PTPN21: variants seen among roughly 807,000 people sequenced by gnomAD.
PTPN21 encodes the protein protein tyrosine phosphatase non-receptor type 21.
Under a neutral mutation model 131.8 loss-of-function variants are expected in PTPN21, and 77 were observed. The ratio of observed to expected loss-of-function variants is 0.58; its 90% CI spans 0.49 to 0.71. The LOEUF (loss-of-function observed/expected upper bound fraction) is 0.71. Among genes scored for constraint, PTPN21 ranks in the 30% least tolerant of loss-of-function variants. The pLI is 0.00. For missense variants in PTPN21, 1,552 were observed against 1,527.1 expected, an observed-to-expected ratio of 1.02 and a Z score of -0.27; for synonymous variants, 715 against 621.3, an observed-to-expected ratio of 1.15 and a Z score of -2.24.
chr14:88,482,789 T>C (rs2077671346), intron 12 of PTPN21, among the ~76,000 whole-genome samples: 1 of 151,224 alleles, frequency 6.6e-6, no homozygotes, highest in Non-Finnish European at 1.5e-5. Flanking sequence ...GTACAAAGGC[T>C]TGAATGTGAT....
chr14:88,518,950 C>T lies in PTPN21; in HGVS notation c.181-1689G>A, dbSNP rs555541136. ...ATGCACATTTAAAACAATTATAATG[C>T]TGTGAAGGTGAATTCTCTCTCTCCC... is the stretch of plus-strand genomic sequence containing the variant. On this transcript the variant is annotated intron_variant, in intron 2 of 18. Transcript: ENST00000556564. Among the ~76,000 whole-genome samples, 6 of 149,186 alleles carry T rather than the reference C, an allele frequency of 4.0e-5. No homozygotes were observed. In the South Asian group the frequency reaches 1.3e-3, roughly 32 times the overall value.
chr14:88,503,520 C>T (rs1349297242), intron 6 of PTPN21, among the ~76,000 whole-genome samples: 1 of 152,178 alleles, frequency 6.6e-6, no homozygotes, highest in Non-Finnish European at 1.5e-5. Context: ...TCAGTAGGAA[C>T]TGTACTTCGA....
At chr14:88,539,727 G>A (rs1490051169) in intron 2 of PTPN21, among the ~76,000 whole-genome samples, 1 of 151,546 alleles carries the variant, frequency 6.6e-6, no homozygotes, top group Non-Finnish European at 1.5e-5. Flanking sequence ...GCCCTAGCCA[G>A]GCATTAGTTG....
chr14:88,469,539 C>A lies in PTPN21; in HGVS notation c.3195G>T (p.Trp1065Cys), dbSNP rs2077422769. 1 of 1,614,156 alleles carries A rather than the reference C, an allele frequency of 6.2e-7. No homozygotes were observed. Among genetic ancestry groups the A allele is most frequent in the Non-Finnish European group, 8.5e-7 (1 of 1,180,024 alleles). The change falls in exon 17 of 19, where the codon TGG becomes TGT. Residue 1065 changes from tryptophan to cysteine, a missense_variant. Coordinates refer to ENST00000556564, the MANE Select transcript of PTPN21 (RefSeq NM_007039.4). This position sits in a 1 kb window ranked among gnomAD's most constrained non-coding sequence, Gnocchi z 4.3. ...GGTCTTCTGGACAGCCATGTTCAGG[C>A]CAGTCTGTGTATTGGAGGTGCCAGA... ...RTVWHLQYTD[W>C]PEHGCPEDLK...
In PTPN21 at chr14:88,523,216, T is replaced by C. The variant is rs80128184; in HGVS notation, c.181-5955A>G. ...CCTAAGCAAATATTAAAAAACTGAGTCTAACAGCACACTAAAAGGATTATA... is the reference window on the plus strand; with the variant it reads ...CCTAAGCAAATATTAAAAAACTGAGCCTAACAGCACACTAAAAGGATTATA... On this transcript the variant is annotated intron_variant, in intron 2 of 18. Coordinates refer to ENST00000556564, the MANE Select transcript of PTPN21 (RefSeq NM_007039.4). Among the ~76,000 whole-genome samples the C allele has an allele frequency of 6.6e-5, 10 of 151,574 alleles. No individual in the cohort carries two copies. In the East Asian group the frequency reaches 1.9e-3, roughly 29 times the overall value.
chr14:88,507,822 T>A, intron 4 of PTPN21, 101 bp downstream of exon 4: 1 of 622,012 alleles, frequency 1.6e-6, no homozygotes, highest in East Asian at 3.0e-5. Context: ...TAAACACTAC[T>A]AAAGATGTAT....
At position 88,466,886 on chromosome 14, in the gene PTPN21, CA is replaced by C. The variant is rs2140071028; in HGVS notation, c.*1250del. The C allele has an allele frequency of 6.6e-6, 1 of 152,286 alleles. No homozygotes were observed. Among genetic ancestry groups the C allele is most frequent in the South Asian group, 2.1e-4 (1 of 4,820 alleles). The allele number at this position is 152,286 out of a possible 1,614,324, so 9.4% of individuals were successfully genotyped here. The stretch of plus-strand genomic sequence containing the variant: ...ACTATTATTAACTATTCCCTTCCTT[CA>C]ACCAAAAGGAAAAATACGCCTCTTT... On this transcript the variant is annotated 3_prime_UTR_variant, in exon 19 of 19. Coordinates refer to ENST00000556564, the MANE Select transcript of PTPN21 (RefSeq NM_007039.4).
At position 88,514,538 on chromosome 14, in the gene PTPN21, C is replaced by T. The variant is rs368556683; in HGVS notation, c.350+2554G>A. ...GGAGTGCAGCGGTGCCATCTCGGCT[C>T]GCTGCAACCTCCGCCTCCCGAGTTC... On this transcript the variant is annotated intron_variant, in intron 3 of 18. Coordinates refer to ENST00000556564, the MANE Select transcript of PTPN21 (RefSeq NM_007039.4). Among the ~76,000 whole-genome samples the T allele has an allele frequency of 2.4e-4, 37 of 151,238 alleles. 1 individual carries two copies. In the South Asian group the frequency reaches 6.7e-3, roughly 27 times the overall value.
At chr14:88,527,043 A>G (rs915068438) in intron 2 of PTPN21, among the ~76,000 whole-genome samples, 43 of 152,072 alleles carry the variant, frequency 2.8e-4, no homozygotes, top group Non-Finnish European at 1.2e-4. Context: ...ATTTTCCCTT[A>G]TCCACTAGTT....
intron 2 of PTPN21, among the ~76,000 whole-genome samples, chr14:88,549,203 CTA>C (rs1468217111): frequency 6.6e-6 from 1 of 152,108 alleles, no homozygotes; most frequent in Non-Finnish European, 1.5e-5. Context: ...TCGCTTGAGC[CTA>C]GGAATTTGAG....
chr14:88,479,590 G>C lies in PTPN21; in HGVS notation c.1841C>G (p.Ala614Gly), dbSNP rs751305607. 3.8e-6 allele frequency: 6 copies of C among 1,589,670 alleles called. No homozygotes were observed. In the East Asian group the frequency reaches 9.0e-5, roughly 24 times the overall value. The change falls in exon 13 of 19, where the codon GCG (alanine) becomes GGG (glycine). Residue 614 changes from alanine (A) to glycine (G), a missense_variant. This residue lies in a region of PTPN21 where 1,016 missense variants were observed against 883.5 expected (regional missense o/e 1.15). Transcript: ENST00000556564. ...QTFQEDSLPV[A>G]HSLQEVSEPL... ...CTCGCTGACCTCCTGCAGCGAGTGCGCCACGGGCAGGCTGTCCTCCTGGAA... is the reference window on the plus strand; with the variant it reads ...CTCGCTGACCTCCTGCAGCGAGTGCCCCACGGGCAGGCTGTCCTCCTGGAA...
In PTPN21 at chr14:88,507,987, GAT is replaced by G; in HGVS notation, c.382_383del (p.Ile128LeufsTer26). On this transcript the variant is annotated frameshift_variant, in exon 4 of 19. Transcript: ENST00000556564. LOFTEE classifies it high-confidence loss of function. ...AGGTACAAGGAATACTTCCTTCCAA[GAT>G]ATCTTTCTTCAGTTGCAGATAATAC... ...YQYYLQLKKDILEGSIPCTLE... is the reference protein window; with the variant it reads ...YQYYLQLKKDXLEGSIPCTLE... 1 of 1,606,178 alleles carries G rather than the reference GAT, an allele frequency of 6.2e-7. No individual in the cohort carries two copies. Among genetic ancestry groups the G allele is most frequent in the Non-Finnish European group, 8.5e-7 (1 of 1,176,086 alleles).
intron 4 of PTPN21, 152 bp from the exon 5 acceptor site, chr14:88,505,523 T>A (rs2078074799): frequency 3.9e-6 from 2 of 516,642 alleles, no homozygotes; most frequent in Admixed American, 7.9e-5. Context: ...TTTTAAAGTA[T>A]CTTTTTAAAA....
chr14:88,490,169 A>G (rs1308308713), intron 10 of PTPN21, among the ~76,000 whole-genome samples: 1 of 151,860 alleles, frequency 6.6e-6, no homozygotes, highest in East Asian at 1.9e-4. Flanking sequence ...CCACCACGCC[A>G]GGCTAAGTTT....
intron 2 of PTPN21, among the ~76,000 whole-genome samples, chr14:88,524,367 G>A (rs1334806931): frequency 5.3e-5 from 8 of 152,080 alleles, no homozygotes; most frequent in Non-Finnish European, 8.8e-5. Context: ...ACCAGTTAGT[G>A]GGGAAAAGAA....
intron 2 of PTPN21, among the ~76,000 whole-genome samples, chr14:88,545,546 G>A (rs1432404086): frequency 1.3e-5 from 2 of 152,122 alleles, no homozygotes; most frequent in African/African-American, 4.8e-5. Flanking sequence ...AATTCCACAA[G>A]GACTCACAGC....
Position 88,504,413 on chromosome 14 carries a change from TCTTA to T in PTPN21, c.587+8_587+11del, listed in dbSNP as rs1431957211. ...TTCTATGCTATTTCCATGTCTTATT[TCTTA>T]GAGTTACCTGTATTTCTGATGTAGT... is the stretch of plus-strand genomic sequence containing the variant. On this transcript the variant is annotated splice_region_variant and intron_variant, in intron 6 of 18. Coordinates refer to ENST00000556564, the MANE Select transcript of PTPN21 (RefSeq NM_007039.4). 1 of 1,565,226 alleles carries T rather than the reference TCTTA, an allele frequency of 6.4e-7. No individual in the cohort carries two copies. Among genetic ancestry groups the T allele is most frequent in the Non-Finnish European group, 8.8e-7 (1 of 1,135,744 alleles).
chr14:88,515,593 CCT>C (rs1336217599), intron 3 of PTPN21: 1 of 152,278 alleles, frequency 6.6e-6, no homozygotes, highest in African/African-American at 2.4e-5. Flanking sequence ...GATTATTCCC[CCT>C]GCTTTGCAAA....
rs2140096052 is a variant in PTPN21 at position 88,479,023 on chromosome 14, G to A, written c.2408C>T (p.Thr803Met). 5 of 1,606,820 alleles carry A rather than the reference G, an allele frequency of 3.1e-6. No individual in the cohort carries two copies. The highest frequency in any genetic ancestry group is 2.2e-5 in the East Asian group (1 of 44,502). Residue 803 changes from threonine to methionine, a missense_variant, in exon 13 of 19, where the codon ACG (threonine) becomes ATG (methionine). By Grantham distance (81) the Thr-to-Met change is moderately conservative. Coordinates refer to ENST00000556564, the MANE Select transcript of PTPN21 (RefSeq NM_007039.4). ...MPSMSESDLT[T>M]SGRYRARRDS... ...CCTCCGGGCTCGGTAGCGGCCTGAC[G>A]TGGTGAGGTCGGACTCCGACATGGA...
Sources: allele counts gnomAD v4.1 joint callset (sites outside exome capture counted in the v4.1 genomes callset), GRCh38; gene constraint gnomAD v4.1.1; regional missense constraint gnomAD v4.1.1; non-coding constraint Gnocchi (gnomAD v3.1); transcripts MANE v1.5; gene names NCBI Gene and HGNC (gene_info 2026-07-23, HGNC 2026-07-21).